F3: variants seen among roughly 807,000 people sequenced by gnomAD.
F3 encodes the protein tissue factor.
Under a neutral mutation model 33.5 loss-of-function variants are expected in F3, and 18 were observed. That is an observed-to-expected ratio of 0.54 (90% CI 0.37 to 0.80). F3 has a LOEUF of 0.80. F3 is among the 30% of genes least tolerant of loss of function. The pLI, the probability that F3 is intolerant of heterozygous loss-of-function variation, is 0.00. For synonymous variants in F3, 147 were observed against 140.7 expected (o/e 1.05, Z -0.32); for missense variants, 353 against 362.1 (o/e 0.97, Z 0.20).
At chr1:94,534,123 T>A (rs1293353734) in intron 3 of F3, among the ~76,000 whole-genome samples, 1 of 152,164 alleles carries the variant, frequency 6.6e-6, no homozygotes, top group African/African-American at 2.4e-5. Context: ...CGCCTTAGCA[T>A]CCCAAAGTTC....
chr1:94,535,571 T>A (rs887994536), intron 3 of F3, among the ~76,000 whole-genome samples: 4 of 152,086 alleles, frequency 2.6e-5, no homozygotes, highest in Non-Finnish European at 1.5e-5. Context: ...TCAACTGGGA[T>A]TTTTAGTGTG....
intron 2 of F3, among the ~76,000 whole-genome samples, chr1:94,536,960 A>C (rs916780200): frequency 6.6e-6 from 1 of 152,142 alleles, no homozygotes; most frequent in Admixed American, 6.5e-5. Flanking sequence ...TTTCTTATCC[A>C]TGAGGACACT....
chr1:94,531,907 A>G (rs1651445110), intron 5 of F3, among the ~76,000 whole-genome samples: 1 of 152,150 alleles, frequency 6.6e-6, no homozygotes, highest in African/African-American at 2.4e-5. Flanking sequence ...CACAGTGGGT[A>G]CTCACGAATG....
chr1:94,531,565 G>A (rs1375309251), intron 5 of F3, among the ~76,000 whole-genome samples: 1 of 152,154 alleles, frequency 6.6e-6, no homozygotes, highest in African/African-American at 2.4e-5. Flanking sequence ...GCCTCCCAAA[G>A]TGCAGGGACT....
At chr1:94,537,415 G>A (rs1159078881) in intron 2 of F3, among the ~76,000 whole-genome samples, 2 of 152,126 alleles carry the variant, frequency 1.3e-5, no homozygotes, top group African/African-American at 4.8e-5. Flanking sequence ...TCTCCCTGCT[G>A]AGCATTTACA....
chr1:94,535,640 G>A (rs889214281), intron 3 of F3, among the ~76,000 whole-genome samples: 8 of 151,924 alleles, frequency 5.3e-5, no homozygotes, highest in East Asian at 1.9e-4. Flanking sequence ...CTAAAACCCC[G>A]GCCTTGGTGG....
At chr1:94,532,205 G>C in intron 5 of F3, 116 bp downstream of exon 5, 2 of 1,062,954 alleles carry the variant, frequency 1.9e-6, no homozygotes, top group Non-Finnish European at 2.7e-6. Context: ...CAGGCAGTTT[G>C]TTTTCCTGAA....
intron 2 of F3, 91 bp from the exon 3 acceptor site, chr1:94,536,255 C>G (rs923513618): frequency 8.7e-7 from 1 of 1,153,726 alleles, no homozygotes; most frequent in East Asian, 2.3e-5. Flanking sequence ...GTGTTCTGTG[C>G]TAACATCAGG....
At position 94,541,458 on chromosome 1, in the gene F3, G is replaced by A. The variant is rs953526699; in HGVS notation, c.100+79C>T. 65 of 1,166,980 alleles carry A rather than the reference G, an allele frequency of 5.6e-5. No individual in the cohort carries two copies. The Middle Eastern group carries it at 9.2e-4, about 17-fold the overall frequency. The allele number at this position is 1,166,980 out of a possible 1,614,324, so 72.3% of individuals were successfully genotyped here. ...CATGGGCGCCCCGGGGAACCAGGGC[G>A]AGCCCGCTGCCAGCCAGGACTGTCG... is the stretch of plus-strand genomic sequence containing the variant. On this transcript the variant is annotated intron_variant, in intron 1 of 5. Transcript: ENST00000334047.
chr1:94,541,506 C>G, intron 1 of F3, 31 bp downstream of exon 1: 1 of 1,436,002 alleles, frequency 7.0e-7, no homozygotes, highest in Non-Finnish European at 9.2e-7. Flanking sequence ...GTGTGGCGCG[C>G]CCCGGGCTTC....
At chr1:94,531,303 CTTTTTT>C (rs141704974) in intron 5 of F3, among the ~76,000 whole-genome samples, 3 of 122,252 alleles carry the variant, frequency 2.5e-5, no homozygotes, top group Non-Finnish European at 5.3e-5. Context: ...TTCGTTGTTT[CTTTTTT>C]TTTTTTTTTT....
chr1:94,541,271 G>A (rs1301460453), intron 1 of F3, among the ~76,000 whole-genome samples: 2 of 152,240 alleles, frequency 1.3e-5, no homozygotes, highest in Non-Finnish European at 2.9e-5. Flanking sequence ...TGCAACAACA[G>A]TCCAATTACT....
chr1:94,539,623 T>C (rs1468165603), intron 2 of F3, among the ~76,000 whole-genome samples: 1 of 152,192 alleles, frequency 6.6e-6, no homozygotes, highest in Non-Finnish European at 1.5e-5. Flanking sequence ...TTGAACATGC[T>C]GAATTATCGC....
intron 3 of F3, among the ~76,000 whole-genome samples, chr1:94,534,030 C>T (rs1246617966): frequency 6.6e-6 from 1 of 151,996 alleles, no homozygotes; most frequent in African/African-American, 2.4e-5. Context: ...CCACGCCTGG[C>T]TAATTTTTGT....
chr1:94,533,247 A>G lies in F3; in HGVS notation c.434T>C (p.Ile145Thr), dbSNP rs1212193333. ...YLETNLGQPT[I>T]QSFEQVGTKV... ...TGTTCCCACCTGTTCAAAACTCTGA[A>G]TTGTTGGCTGTCCGAGGTTTGCTGA... Residue 145 changes from isoleucine (I) to threonine (T), a missense_variant, in exon 4 of 6, where the codon ATT (isoleucine) becomes ACT (threonine). Ile to Thr is a moderately conservative substitution (Grantham distance 89, BLOSUM62 -1). Coordinates refer to ENST00000334047, the MANE Select transcript of F3 (RefSeq NM_001993.5). 3.1e-5 allele frequency: 50 copies of G among 1,612,558 alleles called. No homozygotes were observed. The highest frequency in any genetic ancestry group is 4.2e-5 in the Non-Finnish European group (50 of 1,179,756).
intron 3 of F3, among the ~76,000 whole-genome samples, chr1:94,535,705 C>T (rs988051944): frequency 6.6e-6 from 1 of 151,986 alleles, no homozygotes; most frequent in Non-Finnish European, 1.5e-5. Flanking sequence ...CACATTCAGC[C>T]GGTTACTGAG....
At chr1:94,541,426 G>T in intron 1 of F3, 111 bp downstream of exon 1, 2 of 831,242 alleles carry the variant, frequency 2.4e-6, no homozygotes, top group South Asian at 2.5e-5. Context: ...GTAGGCGCGG[G>T]GGACAACATG....
At position 94,530,244 on chromosome 1, in the gene F3, A is replaced by G; in HGVS notation, c.*216T>C. ...CATGGTGTTAAAAATTAAAACTTGGAATTGGTTGTAGTACCATTCGTTACA... is the reference window on the plus strand; with the variant it reads ...CATGGTGTTAAAAATTAAAACTTGGGATTGGTTGTAGTACCATTCGTTACA... On this transcript the variant is annotated 3_prime_UTR_variant, in exon 6 of 6. Transcript: ENST00000334047. The G allele has an allele frequency of 2.1e-6, 1 of 485,270 alleles. No individual in the cohort carries two copies. The highest frequency in any genetic ancestry group is 3.6e-6 in the Non-Finnish European group (1 of 278,798). 30.1% of individuals were successfully genotyped at this position (485,270 alleles called of 1,614,324 possible).
In F3 at chr1:94,539,211, C is replaced by A. The variant is rs571834005; in HGVS notation, c.212+1046G>T. 2.0e-5 allele frequency among the ~76,000 whole-genome samples: 3 copies of A among 152,238 alleles called. No homozygotes were observed. In the South Asian group the frequency reaches 6.2e-4, roughly 32 times the overall value. On this transcript the variant is annotated intron_variant, in intron 2 of 5. Coordinates refer to ENST00000334047, the MANE Select transcript of F3 (RefSeq NM_001993.5). ...TTGACCAGAACTGTAATCATTATTT[C>A]ATGTTATGAAATTCCTTCATCTTTC...
Sources: allele counts gnomAD v4.1 joint callset (sites outside exome capture counted in the v4.1 genomes callset), GRCh38; gene constraint gnomAD v4.1.1; transcripts MANE v1.5; gene names NCBI Gene and HGNC (gene_info 2026-07-23, HGNC 2026-07-21).